The following FYB2 variants were observed in gnomAD, a reference collection of about 807,000 sequenced individuals.
FYB2 encodes the protein FYN binding protein 2.
In FYB2, 103 loss-of-function variants were observed where a neutral mutation model predicts 94.1. That is an observed-to-expected ratio of 1.09 (90% CI 0.93 to 1.29). The LOEUF (loss-of-function observed/expected upper bound fraction) is 1.29. FYB2 is among the 50% of genes most tolerant of loss of function. The pLI is 0.00. For synonymous variants in FYB2, 293 were observed against 287.9 expected, an observed-to-expected ratio of 1.02 and a Z score of -0.18; for missense variants, 896 against 841.5, an observed-to-expected ratio of 1.06 and a Z score of -0.80.
At chr1:56,738,602 T>C (rs1644882097) in intron 14 of FYB2, 23 bp downstream of exon 14, 1 of 1,598,644 alleles carries the variant, frequency 6.3e-7, no homozygotes, top group South Asian at 1.1e-5. Flanking sequence ...ACTTTTGGTC[T>C]GCAATAAGCA....
chr1:56,742,991 T>C (rs1644989140), intron 11 of FYB2, among the ~76,000 whole-genome samples: 1 of 152,040 alleles, frequency 6.6e-6, no homozygotes, highest in Admixed American at 6.6e-5. Context: ...ATATAACATG[T>C]TTTGATAATT....
At chr1:56,811,000 T>A (rs2101079121) in intron 1 of FYB2, among the ~76,000 whole-genome samples, 1 of 152,306 alleles carries the variant, frequency 6.6e-6, no homozygotes, top group South Asian at 2.1e-4. Context: ...CTTCAGTGGA[T>A]ATCATCATCA....
At chr1:56,745,377 T>C (rs142469885) in intron 9 of FYB2, among the ~76,000 whole-genome samples, 2 of 152,130 alleles carry the variant, frequency 1.3e-5, no homozygotes, top group East Asian at 3.9e-4. Context: ...ACCAAAATCA[T>C]AATTTCTCTC....
At chr1:56,809,530 C>T (rs1440875094) in intron 1 of FYB2, among the ~76,000 whole-genome samples, 1 of 152,152 alleles carries the variant, frequency 6.6e-6, no homozygotes, top group African/African-American at 2.4e-5. Flanking sequence ...ATGTCACTCT[C>T]TTTCCAGAAT....
intron 9 of FYB2, among the ~76,000 whole-genome samples, chr1:56,746,134 G>T (rs567571353): frequency 6.6e-6 from 1 of 151,360 alleles, no homozygotes; most frequent in African/African-American, 2.4e-5. Flanking sequence ...ATTATTTATT[G>T]TCCGTCTCCT....
chr1:56,740,797 T>C lies in FYB2; in HGVS notation c.1605-2A>G, dbSNP rs372146380. On this transcript the variant is annotated splice_acceptor_variant, in intron 12 of 19. Coordinates refer to ENST00000343433, the MANE Select transcript of FYB2 (RefSeq NM_001004303.5). LOFTEE classifies it high-confidence loss of function. ...TTGAGTGCTTCTTTTCCATCTAAAC[T>C]GAGAGGAATCACAGGATATAAGTAA... The C allele has an allele frequency of 8.9e-6, 14 of 1,579,652 alleles. No homozygotes were observed. The highest frequency in any genetic ancestry group is 1.2e-5 in the Non-Finnish European group (14 of 1,154,128).
chr1:56,758,660 C>A (rs1266573783), intron 6 of FYB2, 56 bp downstream of exon 6: 2 of 1,363,246 alleles, frequency 1.5e-6, no homozygotes, highest in South Asian at 2.7e-5. Context: ...ACTTTAGAAT[C>A]AACCTTGCAT....
At chr1:56,811,929 A>AT (rs35064660) in intron 1 of FYB2, among the ~76,000 whole-genome samples, 61,616 of 150,640 alleles carry the variant, frequency 0.41, 13,242 homozygotes, top group Middle Eastern at 0.58. Context: ...TTTCCTAACC[A>AT]TTTTTTTTTC....
In FYB2 at chr1:56,789,104, A is replaced by G. The variant is rs1262072495; in HGVS notation, c.788T>C (p.Leu263Pro). ...GGAGGGCAATGGCTTTGTTTTGGGAAGGTGGTGATGCCTGACATCTGGCTG... is the reference window on the plus strand; with the variant it reads ...GGAGGGCAATGGCTTTGTTTTGGGAGGGTGGTGATGCCTGACATCTGGCTG... ...EKQPDVRHHH[L>P]PKTKPLPSID... is the part of the protein sequence containing the mutation. Residue 263 changes from leucine to proline, a missense_variant, in exon 3 of 20, where the codon CTT becomes CCT. By Grantham distance (98) the Leu-to-Pro change is moderately conservative (BLOSUM62 -3). Coordinates refer to ENST00000343433, the MANE Select transcript of FYB2 (RefSeq NM_001004303.5). 6.2e-7 allele frequency: 1 copy of G among 1,605,910 alleles called. No individual in the cohort carries two copies. Among genetic ancestry groups the G allele is most frequent in the Non-Finnish European group, 8.5e-7 (1 of 1,176,098 alleles).
At chr1:56,775,428 T>C (rs2100859597) in intron 4 of FYB2, among the ~76,000 whole-genome samples, 1 of 152,288 alleles carries the variant, frequency 6.6e-6, no homozygotes, top group East Asian at 1.9e-4. Context: ...TGTCAAACCA[T>C]TGATCTCATT....
At chr1:56,754,211 C>T (rs1039613968) in intron 7 of FYB2, among the ~76,000 whole-genome samples, 6 of 151,938 alleles carry the variant, frequency 3.9e-5, no homozygotes, top group Admixed American at 2.6e-4. Flanking sequence ...TGATCTGGCT[C>T]GTACCTTTCT....
rs140931210 is a variant in FYB2 at position 56,782,002 on chromosome 1, T to C, written c.953+5173A>G. 2.1e-4 allele frequency among the ~76,000 whole-genome samples: 32 copies of C among 152,296 alleles called. No homozygotes were observed. In the East Asian group the frequency reaches 5.2e-3, roughly 25 times the overall value. On this transcript the variant is annotated intron_variant, in intron 4 of 19. Coordinates refer to ENST00000343433, the MANE Select transcript of FYB2 (RefSeq NM_001004303.5). Reference sequence around the variant, plus strand: ...GAGAGGTCTTTCTTTGATCGATTTATAGTAGATGTACATATTTTCAGGGTA... The same window carrying C: ...GAGAGGTCTTTCTTTGATCGATTTACAGTAGATGTACATATTTTCAGGGTA...
At chr1:56,769,237 G>A (rs554783470) in intron 4 of FYB2, among the ~76,000 whole-genome samples, 133 of 151,976 alleles carry the variant, frequency 8.8e-4, no homozygotes, top group African/African-American at 3.1e-3. Flanking sequence ...AGGAAGCCTC[G>A]CCATATTGCC....
intron 3 of FYB2, 56 bp downstream of exon 3, chr1:56,788,917 T>C: frequency 6.3e-7 from 1 of 1,596,786 alleles, no homozygotes; most frequent in South Asian, 1.1e-5. Context: ...GGAGAGGATG[T>C]GGAGACGGAG....
At chr1:56,811,355 C>A (rs1342288382) in intron 1 of FYB2, among the ~76,000 whole-genome samples, 1 of 152,186 alleles carries the variant, frequency 6.6e-6, no homozygotes, top group Non-Finnish European at 1.5e-5. Context: ...CACTTTAAAA[C>A]TTTCTTTCCC....
At chr1:56,720,507 G>T in intron 17 of FYB2, 178 bp from the exon 18 acceptor site, 1 of 448,836 alleles carries the variant, frequency 2.2e-6, no homozygotes, top group Non-Finnish European at 3.7e-6. Flanking sequence ...AGTCGTTTAA[G>T]AAAATAATAG....
chr1:56,796,139 C>G (rs1646391804), intron 1 of FYB2, among the ~76,000 whole-genome samples: 1 of 152,216 alleles, frequency 6.6e-6, no homozygotes, highest in South Asian at 2.1e-4. Context: ...TTCTCTCTAG[C>G]TCAGCCATAC....
intron 5 of FYB2, among the ~76,000 whole-genome samples, chr1:56,760,378 T>C (rs2100762088): frequency 1.3e-5 from 2 of 152,250 alleles, no homozygotes; most frequent in South Asian, 4.1e-4. Flanking sequence ...AAATGCTAGG[T>C]TTTGTTTAGG....
chr1:56,740,021 C>T (rs1420861901), intron 13 of FYB2, among the ~76,000 whole-genome samples: 1 of 151,980 alleles, frequency 6.6e-6, no homozygotes, highest in Non-Finnish European at 1.5e-5. Flanking sequence ...CCATTATATG[C>T]AGGAGAAAAG....
Sources: allele counts gnomAD v4.1 joint callset (sites outside exome capture counted in the v4.1 genomes callset), GRCh38; gene constraint gnomAD v4.1.1; transcripts MANE v1.5; gene names NCBI Gene and HGNC (gene_info 2026-07-23, HGNC 2026-07-21).